The following TUSC3 variants were observed in gnomAD, a reference collection of about 807,000 sequenced individuals.
The protein encoded by TUSC3 is dolichyl-diphosphooligosaccharide--protein glycosyltransferase subunit TUSC3.
Under a neutral mutation model 44.8 loss-of-function variants are expected in TUSC3, and 45 were observed. That is an observed-to-expected ratio of 1.00 (90% CI 0.79 to 1.29). The LOEUF (loss-of-function observed/expected upper bound fraction) is 1.29, where lower values mean the gene tolerates loss of function less well. Ranked by LOEUF, TUSC3 falls within the 50% of genes most tolerant of loss-of-function variation. The pLI is 0.00. For synonymous variants in TUSC3, 212 were observed against 152.9 expected (o/e 1.39, Z -2.85); for missense variants, 519 against 437.9 (o/e 1.19, Z -1.65).
intron 1 of TUSC3, among the ~76,000 whole-genome samples, chr8:15,464,683 A>G (rs1800391984): frequency 6.6e-6 from 1 of 152,206 alleles, no homozygotes; most frequent in African/African-American, 2.4e-5. Flanking sequence ...TTTTTAACCA[A>G]AATGTATGAT....
chr8:15,512,779 CCAAT>C (rs3070875), intron 2 of TUSC3, among the ~76,000 whole-genome samples: 1 of 146,220 alleles, frequency 6.8e-6, no homozygotes, highest in Non-Finnish European at 1.5e-5. Context: ...TTTCAGTCAA[CCAAT>C]CAATCAATCA....
At chr8:15,710,120 T>C (rs1446077115) in intron 6 of TUSC3, among the ~76,000 whole-genome samples, 1 of 151,754 alleles carries the variant, frequency 6.6e-6, no homozygotes, top group East Asian at 1.9e-4. Context: ...TCCTACCTCC[T>C]TTTTCTTCTA....
At chr8:15,701,679 G>A (rs987744547) in intron 6 of TUSC3, among the ~76,000 whole-genome samples, 2 of 152,264 alleles carry the variant, frequency 1.3e-5, no homozygotes, top group Non-Finnish European at 2.9e-5. Context: ...GGAAGAAGTA[G>A]AAGAAGGATA....
intron 1 of TUSC3, among the ~76,000 whole-genome samples, chr8:15,468,280 C>T (rs931961248): frequency 1.1e-4 from 17 of 152,076 alleles, no homozygotes; most frequent in Non-Finnish European, 1.9e-4. Context: ...GAAAAAATTG[C>T]GTTTTCTAAG....
the TUSC3 span, among the ~76,000 whole-genome samples, chr8:15,794,052 C>G: frequency 6.6e-6 from 1 of 152,142 alleles, no homozygotes; most frequent in Admixed American, 6.5e-5. Context: ...CCTGCCATAT[C>G]CTGATGCTTT....
At chr8:15,689,176 G>T in intron 6 of TUSC3, 1 of 378,620 alleles carries the variant, frequency 2.6e-6, no homozygotes, top group South Asian at 2.3e-5. Context: ...TCTTGCTTCG[G>T]AGAATAAGCA....
At chr8:15,736,385 GA>G in intron 7 of TUSC3, among the ~76,000 whole-genome samples, 1 of 152,132 alleles carries the variant, frequency 6.6e-6, no homozygotes, top group Non-Finnish European at 1.5e-5. Flanking sequence ...ACCATAATTG[GA>G]AGAATTAGTA....
intron 1 of TUSC3, among the ~76,000 whole-genome samples, chr8:15,586,978 C>T (rs566388674): frequency 2.0e-5 from 3 of 152,260 alleles, no homozygotes; most frequent in Middle Eastern, 3.4e-3. Context: ...AGTTTGAGAA[C>T]TGCTGGTTGG....
Position 15,573,168 on chromosome 8 carries a change from TTCTCTCTC to T in TUSC3, c.138+32628_138+32635del, listed in dbSNP as rs1554516638. On this transcript the variant is annotated intron_variant, in intron 1 of 10. Transcript: ENST00000503731. ...TGCTTCAGTATAGTGTTCTCTCTCT[TTCTCTCTC>T]TCTCTCTCTCTCTCTCTCTCTCTCT... Among the ~76,000 whole-genome samples the T allele has an allele frequency of 2.9e-3, 251 of 85,546 alleles. 1 individual carries two copies. Among genetic ancestry groups the T allele is most frequent in the Middle Eastern group, 9.8e-3 (1 of 102 alleles). 56.1% of individuals were successfully genotyped at this position (85,546 alleles called of 152,430 possible). A position where few individuals can be genotyped will look rare whatever the true frequency, so the allele number is the denominator to read the frequency against.
At chr8:15,786,962 A>T in the TUSC3 span, among the ~76,000 whole-genome samples, 9 of 150,980 alleles carry the variant, frequency 6.0e-5, no homozygotes, top group Non-Finnish European at 1.3e-4. Context: ...AAAAAAAAAA[A>T]AAAGACTAGA....
At chr8:15,467,146 C>G (rs1419579372) in intron 1 of TUSC3, among the ~76,000 whole-genome samples, 1 of 151,892 alleles carries the variant, frequency 6.6e-6, no homozygotes, top group Non-Finnish European at 1.5e-5. Flanking sequence ...ATTACTAAAA[C>G]CTGTGATTAA....
At chr8:15,809,201 A>G in the TUSC3 span, among the ~76,000 whole-genome samples, 1 of 152,308 alleles carries the variant, frequency 6.6e-6, no homozygotes, top group African/African-American at 2.4e-5. Flanking sequence ...TGATGACTGC[A>G]GATATCTGGG....
At chr8:15,452,707 A>G (rs1585051121) in intron 1 of TUSC3, among the ~76,000 whole-genome samples, 1 of 152,256 alleles carries the variant, frequency 6.6e-6, no homozygotes, top group East Asian at 1.9e-4. Context: ...GTCCCCAGCT[A>G]TCACCAGACC....
chr8:15,495,937 C>G (rs1012445457), intron 2 of TUSC3, among the ~76,000 whole-genome samples: 1 of 152,148 alleles, frequency 6.6e-6, no homozygotes, highest in Admixed American at 6.5e-5. Context: ...CAGGCCCCTA[C>G]CTGACCCTTC....
At chr8:15,623,042 G>A (rs1340969697) in intron 1 of TUSC3, 38 bp from the exon 2 acceptor site, 3 of 1,604,242 alleles carry the variant, frequency 1.9e-6, no homozygotes, top group Non-Finnish European at 2.6e-6. Flanking sequence ...AAAGGACTTT[G>A]ACTCTTTGTA....
intron 1 of TUSC3, among the ~76,000 whole-genome samples, chr8:15,447,090 C>G (rs1039186588): frequency 5.3e-5 from 8 of 151,212 alleles, no homozygotes; most frequent in Non-Finnish European, 8.8e-5. Context: ...GAAAAGATGA[C>G]AAGATGACAA....
chr8:15,696,094 G>C (rs146958288), intron 6 of TUSC3, among the ~76,000 whole-genome samples: 1 of 152,188 alleles, frequency 6.6e-6, no homozygotes, highest in South Asian at 2.1e-4. Context: ...AAGACAATGG[G>C]GAAAATGTCT....
At chr8:15,767,183 A>C (rs2721229), downstream of TUSC3, among the ~76,000 whole-genome samples, 2 of 152,044 alleles carry the variant, frequency 1.3e-5, no homozygotes, top group African/African-American at 2.4e-5. Flanking sequence ...ATTCACGAGC[A>C]TCTGCCATTT....
At chr8:15,841,925 A>G in the TUSC3 span, among the ~76,000 whole-genome samples, 1 of 152,226 alleles carries the variant, frequency 6.6e-6, no homozygotes, top group South Asian at 2.1e-4. Flanking sequence ...GCTATCTATG[A>G]CTTATTTTAA....
Sources: gnomAD v4.1 joint callset for allele counts (sites outside exome capture counted in the v4.1 genomes callset) on GRCh38, gnomAD v4.1.1 for gene constraint, MANE v1.5 for transcripts, NCBI Gene and HGNC (gene_info 2026-07-23, HGNC 2026-07-21) for gene names.